The following USP34 variants were observed in gnomAD, a reference collection of about 807,000 sequenced individuals.
The protein encoded by USP34 is ubiquitin specific peptidase 34.
Under a neutral mutation model 460.3 loss-of-function variants are expected in USP34, and 70 were observed. That is an observed-to-expected ratio of 0.15 (90% CI 0.13 to 0.19). The LOEUF is 0.19. Ranked by LOEUF, USP34 falls within the 10% of genes least tolerant of loss-of-function variation. The probability of loss-of-function intolerance (pLI) is 1.00; values close to 1 mark genes in which losing one functional copy is unlikely to be tolerated. For missense variants in USP34, 3,985 were observed against 4,236.2 expected (o/e 0.94, Z 1.65); for synonymous variants, 1,647 against 1,405.3 (o/e 1.17, Z -3.85).
chr2:61,347,802 T>G (rs996090459), intron 15 of USP34, 68 bp downstream of exon 15: 1 of 1,555,778 alleles, frequency 6.4e-7, no homozygotes, highest in Non-Finnish European at 8.7e-7. Context: ...AAATTGCAAA[T>G]TGAATATAGG....
intron 74 of USP34, 140 bp downstream of exon 74, chr2:61,204,110 TAAAAGG>T: frequency 8.7e-7 from 1 of 1,149,424 alleles, no homozygotes. Context: ...TTCAGAGCAC[TAAAAGG>T]AAAAAGTCCA....
At chr2:61,453,997 G>A (rs1037463017) in intron 1 of USP34, among the ~76,000 whole-genome samples, 10 of 152,000 alleles carry the variant, frequency 6.6e-5, no homozygotes, top group East Asian at 5.8e-4. Flanking sequence ...AAAACAGTAG[G>A]TAAGTATAAA....
chr2:61,340,932 T>C (rs1426023525), intron 16 of USP34, among the ~76,000 whole-genome samples: 7 of 151,392 alleles, frequency 4.6e-5, no homozygotes, highest in Non-Finnish European at 7.4e-5. Context: ...GAAATACATA[T>C]ATAATCAAGA....
intron 64 of USP34, 47 bp from the exon 65 acceptor site, chr2:61,222,710 T>C: frequency 6.4e-7 from 1 of 1,572,396 alleles, no homozygotes; most frequent in Non-Finnish European, 8.7e-7. Flanking sequence ...TTTTGTTTTG[T>C]TTTTGAGACA....
intron 61 of USP34, among the ~76,000 whole-genome samples, chr2:61,227,949 CAA>C (rs1342554986): frequency 1.3e-5 from 2 of 152,104 alleles, no homozygotes; most frequent in Admixed American, 6.6e-5. Context: ...GTGGGTATTT[CAA>C]AGAGATATTC....
intron 5 of USP34, among the ~76,000 whole-genome samples, chr2:61,383,766 C>T (rs1289965973): frequency 6.6e-6 from 1 of 152,088 alleles, no homozygotes; most frequent in African/African-American, 2.4e-5. Flanking sequence ...ATTCTGCTGC[C>T]TCTATAATTA....
Position 61,311,907 on chromosome 2 carries a change from A to G in USP34, c.3546T>C (p.Phe1182=). The stretch of plus-strand genomic sequence containing the variant: ...TTTGCCACTGTCTCAGATGATATGC[A>G]AACCTAAAACATGACACAAACAACA... ...KTHLEAFRRR[F]AYHLRQWQIE... is the part of the protein sequence containing the mutation. The change falls in exon 26 of 80, where the codon TTT becomes TTC. Residue 1182 remains phenylalanine (F), a synonymous_variant. Transcript: ENST00000398571. The G allele has an allele frequency of 1.2e-6, 2 of 1,612,448 alleles. No homozygotes were observed. The highest frequency in any genetic ancestry group is 1.7e-6 in the Non-Finnish European group (2 of 1,179,604).
chr2:61,395,102 T>C (rs1490971336), intron 4 of USP34, 81 bp downstream of exon 4: 17 of 1,449,416 alleles, frequency 1.2e-5, no homozygotes, highest in Non-Finnish European at 1.5e-5. Flanking sequence ...AAAAGACATA[T>C]ATAAATAATA....
chr2:61,260,581 G>T (rs1447815727), intron 43 of USP34, among the ~76,000 whole-genome samples: 1 of 152,110 alleles, frequency 6.6e-6, no homozygotes, highest in East Asian at 1.9e-4. Flanking sequence ...TCAAATTGAA[G>T]TCAAGATATG....
chr2:61,277,043 T>C (rs1264276881), intron 41 of USP34, among the ~76,000 whole-genome samples: 14 of 152,116 alleles, frequency 9.2e-5, no homozygotes, highest in African/African-American at 2.4e-4. Flanking sequence ...ATGAGACATT[T>C]GTTGGTTCAG....
Position 61,280,187 on chromosome 2 carries a change from T to C in USP34, c.5256+57A>G, listed in dbSNP as rs1483760310. 3 of 1,015,226 alleles carry C rather than the reference T, an allele frequency of 3.0e-6. No individual in the cohort carries two copies. The East Asian group carries it at 8.7e-5, about 29-fold the overall frequency. 62.9% of individuals were successfully genotyped at this position (1,015,226 alleles called of 1,614,324 possible). A position where few individuals can be genotyped will look rare whatever the true frequency, so the allele number is the denominator to read the frequency against. On this transcript the variant is annotated intron_variant, in intron 39 of 79. Transcript: ENST00000398571. The stretch of plus-strand genomic sequence containing the variant: ...CCAATAAAGTCATGAACATATGTCA[T>C]AATTCATATTAACAAGAAGAGAATA...
At chr2:61,297,992 C>T (rs1380984647) in intron 29 of USP34, among the ~76,000 whole-genome samples, 1 of 152,134 alleles carries the variant, frequency 6.6e-6, no homozygotes, top group East Asian at 1.9e-4. Flanking sequence ...AACAACTCAT[C>T]ATTCCGTTGT....
intron 1 of USP34, among the ~76,000 whole-genome samples, chr2:61,458,126 A>G (rs2104090120): frequency 6.6e-6 from 1 of 152,336 alleles, no homozygotes; most frequent in Admixed American, 6.5e-5. Flanking sequence ...GAATAAAAAA[A>G]TTACAGTTGT....
rs1320200167 is a variant in USP34 at position 61,223,263 on chromosome 2, T to C, written c.7629A>G (p.Ala2543=). 6.2e-7 allele frequency: 1 copy of C among 1,613,956 alleles called. No homozygotes were observed. The highest frequency in any genetic ancestry group is 1.3e-5 in the African/African-American group (1 of 74,950). Residue 2543 remains alanine (A), a synonymous_variant, in exon 63 of 80, where the codon GCA becomes GCG. Transcript: ENST00000398571. The part of the protein sequence containing the change: ...HLTLSQTDMA[A]LTGGKGFPFL... ...AATGTACTACCTTTCCTCCTGTTAATGCTGCCATGTCAGTCTGTGATAATG... is the reference window on the plus strand; with the variant it reads ...AATGTACTACCTTTCCTCCTGTTAACGCTGCCATGTCAGTCTGTGATAATG...
rs962626315 is a variant in USP34 at position 61,296,715 on chromosome 2, C to T, written c.4254+85G>A. 27 of 1,378,994 alleles carry T rather than the reference C, an allele frequency of 2.0e-5. No homozygotes were observed. In the Admixed American group the frequency reaches 5.5e-4, roughly 28 times the overall value. The allele number at this position is 1,378,994 out of a possible 1,614,324, so 85.4% of individuals were successfully genotyped here. On this transcript the variant is annotated intron_variant, in intron 30 of 79. Coordinates refer to ENST00000398571, the MANE Select transcript of USP34 (RefSeq NM_014709.4). ...ACTATATTCAGATTTACTGAGGGTACATCAACAGGCAATCTTCTACACTGT... is the reference window on the plus strand; with the variant it reads ...ACTATATTCAGATTTACTGAGGGTATATCAACAGGCAATCTTCTACACTGT...
At chr2:61,297,682 A>T (rs1021391021) in intron 29 of USP34, among the ~76,000 whole-genome samples, 13 of 152,236 alleles carry the variant, frequency 8.5e-5, no homozygotes, top group African/African-American at 3.1e-4. Flanking sequence ...TAAGCCTATA[A>T]AAAGAAACTT....
intron 3 of USP34, among the ~76,000 whole-genome samples, chr2:61,401,061 G>C (rs1693702383): frequency 6.9e-6 from 1 of 144,398 alleles, no homozygotes; most frequent in Admixed American, 7.3e-5. Flanking sequence ...TAAGGCAGGA[G>C]AATCGCCTGA....
chr2:61,392,228 AG>A (rs1355266506), intron 5 of USP34, among the ~76,000 whole-genome samples: 8 of 152,270 alleles, frequency 5.3e-5, no homozygotes, highest in African/African-American at 1.9e-4. Context: ...GGTACTTGGG[AG>A]GCTGACATGG....
chr2:61,391,397 T>C (rs1693340265), intron 5 of USP34, among the ~76,000 whole-genome samples: 1 of 152,082 alleles, frequency 6.6e-6, no homozygotes, highest in African/African-American at 2.4e-5. Context: ...TCCCAGGAAA[T>C]GCTATAAACA....
Sources: allele counts gnomAD v4.1 joint callset (sites outside exome capture counted in the v4.1 genomes callset), GRCh38; gene constraint gnomAD v4.1.1; transcripts MANE v1.5; gene names NCBI Gene and HGNC (gene_info 2026-07-23, HGNC 2026-07-21).